RBM20: variants seen among roughly 807,000 people sequenced by gnomAD.
RBM20 encodes RNA-binding protein 20.
RBM20 carries 51 observed loss-of-function variants against 110.1 expected under a neutral mutation model. The observed-to-expected ratio is 0.46, with a 90% CI of 0.37 to 0.59. The LOEUF (loss-of-function observed/expected upper bound fraction) is 0.59. Among genes scored for constraint, RBM20 ranks in the 20% least tolerant of loss-of-function variants. RBM20 has a pLI of 0.00. For synonymous variants in RBM20, 589 were observed against 618.2 expected (o/e 0.95, Z 0.70); for missense variants, 1,512 against 1,574.9 (o/e 0.96, Z 0.68).
chr10:110,812,977 C>T (rs1422412911), intron 9 of RBM20, 30 bp downstream of exon 9: 13 of 1,381,828 alleles, frequency 9.4e-6, no homozygotes, highest in South Asian at 3.2e-5. Context: ...CCAGGTAAGG[C>T]GAGGCAGGCC....
At chr10:110,662,869 C>G (rs1564808815) in intron 1 of RBM20, among the ~76,000 whole-genome samples, 2 of 152,194 alleles carry the variant, frequency 1.3e-5, no homozygotes, top group Admixed American at 1.3e-4. Context: ...CTCTGATCTT[C>G]CTGTTCATCC....
chr10:110,781,462 C>A lies in RBM20; in HGVS notation c.853C>A (p.Pro285Thr). 1 of 1,551,522 alleles carries A rather than the reference C, an allele frequency of 6.4e-7. No homozygotes were observed. Among genetic ancestry groups the A allele is most frequent in the Non-Finnish European group, 8.7e-7 (1 of 1,147,006 alleles). ...TGCCTTTTCCAAAGATTTTTACGGACCCAACTCCCAAGGTTCACATGTGGC... is the reference window on the plus strand; with the variant it reads ...TGCCTTTTCCAAAGATTTTTACGGAACCAACTCCCAAGGTTCACATGTGGC... ...QAAFSKDFYG[P>T]NSQGSHVASG... Residue 285 changes from proline (P) to threonine (T), a missense_variant, in exon 2 of 14, where the codon CCC becomes ACC. Around this residue, in one of 3 missense-constraint regions of RBM20, gnomAD observed 1,149 missense variants for 1,169.4 expected, o/e 0.98. Coordinates refer to ENST00000369519, the MANE Select transcript of RBM20 (RefSeq NM_001134363.3).
rs145910235 is a variant in RBM20, at chr10:110,674,636, A to T, written c.191+29991A>T. Among the ~76,000 whole-genome samples the T allele has an allele frequency of 2.5e-3, 376 of 152,344 alleles. 1 individual carries two copies. Among genetic ancestry groups the T allele is most frequent in the African/African-American group, 8.8e-3 (364 of 41,572 alleles). On this transcript the variant is annotated intron_variant, in intron 1 of 13. Transcript: ENST00000369519. ...CAAATAATTTGAATTGCATCAGGAA[A>T]CCTGCATATTAACAAGCTGGTAATA...
At chr10:110,735,608 G>T (rs1843662748) in intron 1 of RBM20, among the ~76,000 whole-genome samples, 1 of 152,180 alleles carries the variant, frequency 6.6e-6, no homozygotes, top group South Asian at 2.1e-4. Context: ...ATCTTGGCAT[G>T]TATGTATGAG....
At chr10:110,805,246 A>G (rs1372979196) in intron 7 of RBM20, among the ~76,000 whole-genome samples, 1 of 152,170 alleles carries the variant, frequency 6.6e-6, no homozygotes, top group Admixed American at 6.5e-5. Context: ...GAGGGGTGTG[A>G]AAAAGGGAAG....
chr10:110,825,817 C>A (rs958249593), intron 12 of RBM20, among the ~76,000 whole-genome samples: 2 of 152,152 alleles, frequency 1.3e-5, no homozygotes, highest in East Asian at 1.9e-4. Context: ...TCACATTTAA[C>A]CCTCTCAAAA....
At chr10:110,653,700 C>T (rs1253990717) in intron 1 of RBM20, among the ~76,000 whole-genome samples, 5 of 152,056 alleles carry the variant, frequency 3.3e-5, no homozygotes, top group Non-Finnish European at 7.4e-5. Context: ...GTACTGTAGA[C>T]GTGCACCACC....
Position 110,821,559 on chromosome 10 carries a change from A to T in RBM20, c.2940A>T (p.Ser980=). The T allele has an allele frequency of 6.4e-7, 1 of 1,551,200 alleles. No individual in the cohort carries two copies. The highest frequency in any genetic ancestry group is 8.7e-7 in the Non-Finnish European group (1 of 1,146,364). ...GNGAAEISLK[S]PRELPSASTS... ...GGGCTGCAGAAATCAGCCTCAAGTCACCCAGAGAACTGCCCTCTGCTTCCA... is the reference window on the plus strand; with the variant it reads ...GGGCTGCAGAAATCAGCCTCAAGTCTCCCAGAGAACTGCCCTCTGCTTCCA... Residue 980 remains serine, a synonymous_variant, in exon 11 of 14, where the codon TCA becomes TCT. Transcript: ENST00000369519.
At chr10:110,768,968 G>A (rs1844148226) in intron 1 of RBM20, among the ~76,000 whole-genome samples, 1 of 152,194 alleles carries the variant, frequency 6.6e-6, no homozygotes, top group African/African-American at 2.4e-5. Context: ...ATTCTTCAGG[G>A]TCATTTAAGA....
At chr10:110,661,198 T>C (rs1415918171) in intron 1 of RBM20, among the ~76,000 whole-genome samples, 1 of 152,224 alleles carries the variant, frequency 6.6e-6, no homozygotes, top group Non-Finnish European at 1.5e-5. Context: ...ATATGAACTA[T>C]ATGGGCTTCA....
At chr10:110,749,796 C>T (rs1176188763) in intron 1 of RBM20, among the ~76,000 whole-genome samples, 4 of 151,910 alleles carry the variant, frequency 2.6e-5, no homozygotes, top group Non-Finnish European at 2.9e-5. Context: ...AACTAGCTTT[C>T]TATAAAAAAA....
intron 1 of RBM20, among the ~76,000 whole-genome samples, chr10:110,719,383 T>C (rs1456821965): frequency 6.6e-6 from 1 of 152,234 alleles, no homozygotes; most frequent in Admixed American, 6.5e-5. Context: ...TTGATACTCA[T>C]TGATTTCACT....
chr10:110,757,984 G>C (rs1250511123), intron 1 of RBM20, among the ~76,000 whole-genome samples: 1 of 144,144 alleles, frequency 6.9e-6, no homozygotes, highest in Non-Finnish European at 1.5e-5. Context: ...AGGGCATACA[G>C]CAATAGAAAA....
chr10:110,734,141 A>G (rs1843645784), intron 1 of RBM20, among the ~76,000 whole-genome samples: 1 of 152,228 alleles, frequency 6.6e-6, no homozygotes, highest in African/African-American at 2.4e-5. Flanking sequence ...TGAAAGAAGC[A>G]TTGTAATTCC....
At chr10:110,724,417 A>G (rs1475479988) in intron 1 of RBM20, among the ~76,000 whole-genome samples, 3 of 152,198 alleles carry the variant, frequency 2.0e-5, no homozygotes, top group Non-Finnish European at 2.9e-5. Flanking sequence ...TGAGAGAGGA[A>G]GTCTGAAGAT....
At chr10:110,801,248 G>A (rs1844618938) in intron 7 of RBM20, among the ~76,000 whole-genome samples, 1 of 151,966 alleles carries the variant, frequency 6.6e-6, no homozygotes, top group Admixed American at 6.5e-5. Context: ...CCAACATGGT[G>A]AAACCCCGTC....
intron 1 of RBM20, among the ~76,000 whole-genome samples, chr10:110,674,936 G>A (rs1175805107): frequency 6.6e-6 from 1 of 152,210 alleles, no homozygotes; most frequent in East Asian, 1.9e-4. Context: ...TGTCCTCAAG[G>A]AGCTTGCAAC....
chr10:110,690,769 C>G (rs531558112), intron 1 of RBM20, among the ~76,000 whole-genome samples: 1 of 152,146 alleles, frequency 6.6e-6, no homozygotes, highest in Admixed American at 6.5e-5. Flanking sequence ...GTACAATATA[C>G]GTATATATCA....
rs1845160419 is a variant in RBM20 at position 110,838,377 on chromosome 10, C to T, written c.*2399C>T. The stretch of plus-strand genomic sequence containing the variant: ...ATCACGGCTCAGCCCAGATTGTTCC[C>T]CTGGCCAACTCCACAGGTTTGAACC... On this transcript the variant is annotated 3_prime_UTR_variant, in exon 14 of 14. Coordinates refer to ENST00000369519, the MANE Select transcript of RBM20 (RefSeq NM_001134363.3). 6.6e-6 allele frequency: 1 copy of T among 152,174 alleles called. No individual in the cohort carries two copies. Among genetic ancestry groups the T allele is most frequent in the Non-Finnish European group, 1.5e-5 (1 of 68,032 alleles). The allele number at this position is 152,174 out of a possible 1,614,324, so 9.4% of individuals were successfully genotyped here.
Sources: gnomAD v4.1 joint callset for allele counts (sites outside exome capture counted in the v4.1 genomes callset) on GRCh38, gnomAD v4.1.1 for gene constraint, gnomAD v4.1.1 regional missense constraint, MANE v1.5 for transcripts, NCBI Gene and HGNC (gene_info 2026-07-23, HGNC 2026-07-21) for gene names.